The following ADARB2 variants were observed in gnomAD, a reference collection of about 807,000 sequenced individuals.
The protein encoded by ADARB2 is inactive double-stranded RNA-specific editase B2.
ADARB2 carries 25 observed loss-of-function variants against 62.2 expected under a neutral mutation model. The observed-to-expected ratio is 0.40, with a 90% CI of 0.29 to 0.56. The LOEUF (loss-of-function observed/expected upper bound fraction) is 0.56. Among genes scored for constraint, ADARB2 ranks in the 20% least tolerant of loss-of-function variants. The pLI, the probability that ADARB2 is intolerant of heterozygous loss-of-function variation, is 0.43. For missense variants in ADARB2, 1,071 were observed against 1,077.4 expected (o/e 0.99, Z 0.08); for synonymous variants, 572 against 500.8 (o/e 1.14, Z -1.90).
At chr10:1,220,060 GTGATGA>G (rs1321164229) in intron 6 of ADARB2, among the ~76,000 whole-genome samples, 7 of 143,970 alleles carry the variant, frequency 4.9e-5, no homozygotes, top group Non-Finnish European at 9.1e-5. Flanking sequence ...GGTGGTGGTG[GTGATGA>G]TGGTGATGGT....
intron 3 of ADARB2, among the ~76,000 whole-genome samples, chr10:1,278,658 C>T (rs146952423): frequency 2.4e-3 from 368 of 151,950 alleles, no homozygotes; most frequent in African/African-American, 8.6e-3. Context: ...TGCCCTGCCT[C>T]AGTCTCTAAA....
intron 1 of ADARB2, among the ~76,000 whole-genome samples, chr10:1,486,515 A>G (rs1361568983): frequency 2.0e-5 from 3 of 152,188 alleles, no homozygotes; most frequent in Non-Finnish European, 4.4e-5. Flanking sequence ...AGAGTTAATC[A>G]AGCTAGGTTT....
intron 3 of ADARB2, among the ~76,000 whole-genome samples, chr10:1,312,441 A>G (rs993857200): frequency 5.9e-5 from 9 of 152,220 alleles, no homozygotes; most frequent in African/African-American, 2.4e-5. Flanking sequence ...TCTTCACTTC[A>G]TCACATTTTG....
chr10:1,327,734 A>C lies in ADARB2; in HGVS notation c.1077+35294T>G, dbSNP rs1489014912. ...GCCTACCCACAGTTCAGCACCTCCC[A>C]CGGCACAGCGCCTCACTGCACAGCG... is the stretch of plus-strand genomic sequence containing the variant. On this transcript the variant is annotated intron_variant, in intron 3 of 9. Transcript: ENST00000381312. 4.4e-5 allele frequency among the ~76,000 whole-genome samples: 2 copies of C among 45,078 alleles called. 1 individual carries two copies. The highest frequency in any genetic ancestry group is 1.7e-4 in the African/African-American group (2 of 11,784). The allele number at this position is 45,078 out of a possible 152,430, so 29.6% of individuals were successfully genotyped here.
chr10:1,477,906 G>C lies in ADARB2; in HGVS notation c.101-98746C>G, dbSNP rs1831422750. On this transcript the variant is annotated intron_variant, in intron 1 of 9. Coordinates refer to ENST00000381312, the MANE Select transcript of ADARB2 (RefSeq NM_018702.4). This position sits in a 1 kb window ranked among gnomAD's most constrained non-coding sequence, Gnocchi z 4.5. ...GGGAGGTTCCCTCCTGCCCTGACAT[G>C]CATCCCAGGGAAGAGCCCCTCTGCT... is the stretch of plus-strand genomic sequence containing the variant. 6.6e-6 allele frequency among the ~76,000 whole-genome samples: 1 copy of C among 152,224 alleles called. No homozygotes were observed. Among genetic ancestry groups the C allele is most frequent in the African/African-American group, 2.4e-5 (1 of 41,454 alleles).
intron 1 of ADARB2, among the ~76,000 whole-genome samples, chr10:1,629,560 A>C (rs1277704436): frequency 2.7e-5 from 1 of 37,208 alleles, no homozygotes; most frequent in Non-Finnish European, 5.0e-5. Flanking sequence ...CCCAGCACCC[A>C]ACCCCCCCAG....
intron 1 of ADARB2, among the ~76,000 whole-genome samples, chr10:1,626,144 C>T (rs1176313367): frequency 7.5e-5 from 11 of 147,198 alleles, no homozygotes; most frequent in African/African-American, 2.9e-4. Context: ...CATGCTCTCT[C>T]CTGCATGGAC....
intron 1 of ADARB2, among the ~76,000 whole-genome samples, chr10:1,626,489 T>C (rs1477854556): frequency 6.6e-6 from 1 of 152,308 alleles, no homozygotes; most frequent in Non-Finnish European, 1.5e-5. Flanking sequence ...CTTCCTCTGC[T>C]CAGCAGCCGA....
At chr10:1,278,601 C>CT (rs35497339) in intron 3 of ADARB2, among the ~76,000 whole-genome samples, 4,259 of 144,438 alleles carry the variant, frequency 0.029, 65 homozygotes, top group Middle Eastern at 0.043. Flanking sequence ...TGATTTCATT[C>CT]TTTTTTTTTT....
Position 1,533,966 on chromosome 10 carries a change from C to T in ADARB2, c.101-154806G>A, listed in dbSNP as rs113353912. Among the ~76,000 whole-genome samples the T allele has an allele frequency of 5.9e-3, 891 of 150,872 alleles. 10 individuals are homozygous for T. The highest frequency in any genetic ancestry group is 0.019 in the African/African-American group (760 of 40,972). On this transcript the variant is annotated intron_variant, in intron 1 of 9. Coordinates refer to ENST00000381312, the MANE Select transcript of ADARB2 (RefSeq NM_018702.4). ...TTTCTGATTATCAAAACCATAATTA[C>T]AGGATTTTAATTATTTTATGGATAT...
At chr10:1,285,584 G>A (rs1018740440) in intron 3 of ADARB2, among the ~76,000 whole-genome samples, 2 of 152,172 alleles carry the variant, frequency 1.3e-5, no homozygotes, top group East Asian at 1.9e-4. Context: ...TGGGGAGTTG[G>A]CCCCATATTT....
chr10:1,544,313 G>A (rs1330392056), intron 1 of ADARB2, among the ~76,000 whole-genome samples: 3 of 152,260 alleles, frequency 2.0e-5, no homozygotes, highest in Admixed American at 2.0e-4. Context: ...ACCACCTGGT[G>A]GGCAGCAGCA....
At chr10:1,580,839 C>T (rs935854310) in intron 1 of ADARB2, among the ~76,000 whole-genome samples, 1 of 152,202 alleles carries the variant, frequency 6.6e-6, no homozygotes, top group Non-Finnish European at 1.5e-5. Flanking sequence ...ACCTTATAAC[C>T]ATTTCAGACT....
chr10:1,582,831 T>C (rs1002822388), intron 1 of ADARB2, among the ~76,000 whole-genome samples: 1 of 152,212 alleles, frequency 6.6e-6, no homozygotes, highest in African/African-American at 2.4e-5. Flanking sequence ...ACCCTCCTCG[T>C]AGTGCCCTTC....
At chr10:1,560,680 C>T (rs4880519) in intron 1 of ADARB2, among the ~76,000 whole-genome samples, 27,553 of 144,134 alleles carry the variant, frequency 0.19, 2,743 homozygotes, top group Non-Finnish European at 0.21. Flanking sequence ...GAAGTCAGGA[C>T]AGGCAGAAAA....
intron 1 of ADARB2, among the ~76,000 whole-genome samples, chr10:1,625,880 T>TGCCCCACTTCTCACGTCTCTGCCTGACC (rs1833759421): frequency 1.4e-5 from 2 of 145,746 alleles, no homozygotes; most frequent in Non-Finnish European, 3.0e-5. Context: ...CCTGCCTGGC[T>TGCCCCACTTCTCACGTCTCTGCCTGACC]GCCCCACTTC....
intron 3 of ADARB2, among the ~76,000 whole-genome samples, chr10:1,331,237 A>G (rs1165354735): frequency 6.6e-6 from 1 of 152,264 alleles, no homozygotes. Context: ...TAACTCATCA[A>G]TCCTACTGCC....
chr10:1,504,535 A>G (rs939404259), intron 1 of ADARB2, among the ~76,000 whole-genome samples: 1 of 152,156 alleles, frequency 6.6e-6, no homozygotes, highest in African/African-American at 2.4e-5. Flanking sequence ...CTGGCTGTGC[A>G]CTGCGTGGAG....
rs1208443135 is a variant in ADARB2 at position 1,444,258 on chromosome 10, C to G, written c.101-65098G>C. 3.9e-5 allele frequency among the ~76,000 whole-genome samples: 5 copies of G among 127,438 alleles called. No homozygotes were observed. In the South Asian group the frequency reaches 1.1e-3, roughly 29 times the overall value. The allele number at this position is 127,438 out of a possible 152,430, so 83.6% of individuals were successfully genotyped here. A position where few individuals can be genotyped will look rare whatever the true frequency, so the allele number is the denominator to read the frequency against. Reference sequence around the variant, plus strand: ...CCCACCCATCTATCCATCCATTCACCATCCATCTATTTCCATCTATCTACA... The same window carrying G: ...CCCACCCATCTATCCATCCATTCACGATCCATCTATTTCCATCTATCTACA... On this transcript the variant is annotated intron_variant, in intron 1 of 9. Transcript: ENST00000381312.
Sources: allele counts gnomAD v4.1 joint callset (sites outside exome capture counted in the v4.1 genomes callset), GRCh38; gene constraint gnomAD v4.1.1; non-coding constraint Gnocchi (gnomAD v3.1); transcripts MANE v1.5; gene names NCBI Gene and HGNC (gene_info 2026-07-23, HGNC 2026-07-21).